The following SHH variants were observed in gnomAD, a reference collection of about 807,000 sequenced individuals.
SHH encodes the protein sonic hedgehog protein.
In SHH, 3 loss-of-function variants were observed where a neutral mutation model predicts 16.6. The observed-to-expected ratio is 0.18, with a 90% CI of 0.08 to 0.47. SHH has a LOEUF of 0.47. Ranked by LOEUF, SHH falls within the 20% of genes least tolerant of loss-of-function variation. The pLI is 0.98. For missense variants in SHH, 499 were observed against 665.0 expected (o/e 0.75, Z 2.75); for synonymous variants, 351 against 316.2 (o/e 1.11, Z -1.17).
At position 155,803,322 on chromosome 7, in the gene SHH, C is replaced by G; in HGVS notation, c.967G>C (p.Gly323Arg). The change falls in exon 3 of 3, where the codon GGG becomes CGG. Residue 323 changes from glycine (G) to arginine (R), a missense_variant. Around this residue, in one of 4 missense-constraint regions of SHH, gnomAD observed 299 missense variants for 301.1 expected, o/e 0.99. Coordinates refer to ENST00000297261, the MANE Select transcript of SHH (RefSeq NM_000193.4). ...GCGGCGGGCAGGAGCCGGCGGTCCCCGTCACGCTCGGCCACCACGTACACG... is the reference window on the plus strand; with the variant it reads ...GCGGCGGGCAGGAGCCGGCGGTCCCGGTCACGCTCGGCCACCACGTACACG... Reference protein sequence around the residue: ...QRVYVVAERDGDRRLLPAAVH... With the variant: ...QRVYVVAERDRDRRLLPAAVH... 6.8e-7 allele frequency: 1 copy of G among 1,475,638 alleles called. No homozygotes were observed. Among genetic ancestry groups the G allele is most frequent in the Non-Finnish European group, 8.9e-7 (1 of 1,121,130 alleles). The allele number at this position is 1,475,638 out of a possible 1,614,324, so 91.4% of individuals were successfully genotyped here.
chr7:155,803,263 C>A lies in SHH; in HGVS notation c.1026G>T (p.Ala342=), dbSNP rs1357392616. 1 of 1,511,000 alleles carries A rather than the reference C, an allele frequency of 6.6e-7. No homozygotes were observed. Among genetic ancestry groups the A allele is most frequent in the Middle Eastern group, 1.8e-4 (1 of 5,710 alleles). 93.6% of individuals were successfully genotyped at this position (1,511,000 alleles called of 1,614,324 possible). Residue 342 remains alanine (A), a synonymous_variant, in exon 3 of 3, where the codon GCG becomes GCT. Transcript: ENST00000297261. ...VHSVTLSEEA[A]GAYAPLTAQG... ...GGGCCGTGAGCGGCGCGTAGGCGCC[C>A]GCGGCCTCCTCGCTTAGGGTCACGC...
chr7:155,806,860 C>A, intron 1 of SHH: 1 of 511,616 alleles, frequency 2.0e-6, no homozygotes, highest in Non-Finnish European at 3.7e-6. Context: ...AATAAAGTTT[C>A]TCTGAAACAA....
intron 1 of SHH, chr7:155,806,946 TTGCCCTCCACTTCTAGCC>T: frequency 4.0e-6 from 1 of 248,560 alleles, no homozygotes; most frequent in South Asian, 3.9e-5. Flanking sequence ...CGCCCCCACG[TTGCCCTCCACTTCTAGCC>T]CCCCTTCTGG....
chr7:155,801,058 C>A lies in SHH; in HGVS notation c.*1842G>T, dbSNP rs1803169467. The stretch of plus-strand genomic sequence containing the variant: ...AGTCCTCCACCTGGGACCCTGACAA[C>A]CGCCAAGGGCAGAGACCCTCTTGGC... On this transcript the variant is annotated 3_prime_UTR_variant, in exon 3 of 3. Coordinates refer to ENST00000297261, the MANE Select transcript of SHH (RefSeq NM_000193.4). 1 of 167,462 alleles carries A rather than the reference C, an allele frequency of 6.0e-6. No homozygotes were observed. Among genetic ancestry groups the A allele is most frequent in the African/African-American group, 2.4e-5 (1 of 41,904 alleles). The allele number at this position is 167,462 out of a possible 1,614,324, so 10.4% of individuals were successfully genotyped here. A position where few individuals can be genotyped will look rare whatever the true frequency, so the allele number is the denominator to read the frequency against.
chr7:155,808,419 G>A (rs1290403228), intron 1 of SHH, among the ~76,000 whole-genome samples: 1 of 152,248 alleles, frequency 6.6e-6, no homozygotes, highest in Non-Finnish European at 1.5e-5. Flanking sequence ...GAGGGCGGCA[G>A]GGTGAGGATG....
chr7:155,809,176 C>T lies in SHH; in HGVS notation c.301-2619G>A, dbSNP rs988892220. 5.3e-5 allele frequency: 8 copies of T among 152,232 alleles called. No homozygotes were observed. Among genetic ancestry groups the T allele is most frequent in the African/African-American group, 1.9e-4 (8 of 41,430 alleles). The allele number at this position is 152,232 out of a possible 1,614,324, so 9.4% of individuals were successfully genotyped here. Reference sequence around the variant, plus strand: ...GGAGAGCGTGTCTGTCTGCGCTTTCCTCTCCCGGGTTAATATTAACCGGCA... The same window carrying T: ...GGAGAGCGTGTCTGTCTGCGCTTTCTTCTCCCGGGTTAATATTAACCGGCA... On this transcript the variant is annotated intron_variant, in intron 1 of 2. Transcript: ENST00000297261. This position sits in a 1 kb window ranked among gnomAD's most constrained non-coding sequence, Gnocchi z 6.1.
In SHH at chr7:155,800,437, T is replaced by C; in HGVS notation, c.*2463A>G. ...CAAGGTGCCCCAGTCACCAGCAGAGTTGCACCATGGCCTCAGGCACCTTGG... is the reference window on the plus strand; with the variant it reads ...CAAGGTGCCCCAGTCACCAGCAGAGCTGCACCATGGCCTCAGGCACCTTGG... On this transcript the variant is annotated 3_prime_UTR_variant, in exon 3 of 3. Coordinates refer to ENST00000297261, the MANE Select transcript of SHH (RefSeq NM_000193.4). 3 of 411,844 alleles carry C rather than the reference T, an allele frequency of 7.3e-6. No homozygotes were observed. Among genetic ancestry groups the C allele is most frequent in the South Asian group, 3.6e-5 (2 of 55,688 alleles). 25.5% of individuals were successfully genotyped at this position (411,844 alleles called of 1,614,324 possible). A position where few individuals can be genotyped will look rare whatever the true frequency, so the allele number is the denominator to read the frequency against.
chr7:155,806,621 G>A (rs1055173964), intron 1 of SHH, 64 bp from the exon 2 acceptor site: 43 of 1,598,842 alleles, frequency 2.7e-5, no homozygotes, highest in Non-Finnish European at 3.4e-5. Context: ...ACCCCTCCCG[G>A]CCCCTCCATC....
At chr7:155,805,193 G>T (rs1803322188) in intron 2 of SHH, among the ~76,000 whole-genome samples, 1 of 152,096 alleles carries the variant, frequency 6.6e-6, no homozygotes, top group African/African-American at 2.4e-5. Flanking sequence ...AGCCGGGGAG[G>T]AGGTTTTGCG....
intron 1 of SHH, 112 bp from the exon 2 acceptor site, chr7:155,806,669 C>A (rs1234385054): frequency 1.5e-6 from 2 of 1,369,290 alleles, no homozygotes; most frequent in Non-Finnish European, 2.1e-6. Context: ...GAGGGCCATG[C>A]GGAGAGGTGG....
rs1396544469 is a variant in SHH at position 155,801,963 on chromosome 7, CTG to C, written c.*935_*936del. ...AATGCAAAAACATCCTTTGTTTTCT[CTG>C]TACAAACTGCAGGCTCCATCCTCGT... On this transcript the variant is annotated 3_prime_UTR_variant, in exon 3 of 3. Coordinates refer to ENST00000297261, the MANE Select transcript of SHH (RefSeq NM_000193.4). The C allele has an allele frequency of 2.0e-5, 3 of 151,368 alleles. No individual in the cohort carries two copies. Among genetic ancestry groups the C allele is most frequent in the Non-Finnish European group, 4.4e-5 (3 of 67,980 alleles). 9.4% of individuals were successfully genotyped at this position (151,368 alleles called of 1,614,324 possible).
chr7:155,800,630 C>T lies in SHH; in HGVS notation c.*2270G>A, dbSNP rs962628587. The stretch of plus-strand genomic sequence containing the variant: ...AAGAACAGAAACCATCGCACTTCCT[C>T]CGAGATTGTAAACACCAGCCTGGAA... On this transcript the variant is annotated 3_prime_UTR_variant, in exon 3 of 3. Transcript: ENST00000297261. The T allele has an allele frequency of 1.3e-5, 6 of 470,844 alleles. No individual in the cohort carries two copies. The highest frequency in any genetic ancestry group is 2.2e-5 in the Non-Finnish European group (5 of 227,048). 29.2% of individuals were successfully genotyped at this position (470,844 alleles called of 1,614,324 possible).
rs1803188641 is a variant in SHH, at chr7:155,801,927, C to T, written c.*973G>A. ...TTTTAGTAAATTTACAGCGTTATTT[C>T]TCAATTTATTAATGCAAAAACATCC... On this transcript the variant is annotated 3_prime_UTR_variant, in exon 3 of 3. Coordinates refer to ENST00000297261, the MANE Select transcript of SHH (RefSeq NM_000193.4). The T allele has an allele frequency of 6.6e-6, 1 of 152,038 alleles. No individual in the cohort carries two copies. Among genetic ancestry groups the T allele is most frequent in the Non-Finnish European group, 1.5e-5 (1 of 68,008 alleles). 9.4% of individuals were successfully genotyped at this position (152,038 alleles called of 1,614,324 possible). A position where few individuals can be genotyped will look rare whatever the true frequency, so the allele number is the denominator to read the frequency against.
rs1803536299 is a variant in SHH at position 155,812,108 on chromosome 7, C to T, written c.15G>A (p.Ala5=). 2 of 1,614,146 alleles carry T rather than the reference C, an allele frequency of 1.2e-6. No individual in the cohort carries two copies. The highest frequency in any genetic ancestry group is 1.7e-6 in the Non-Finnish European group (2 of 1,180,024). The part of the protein sequence containing the change: MLLL[A]RCLLLVLVSS... Reference sequence around the variant, plus strand: ...AGACGAGGACTAGCAGCAGACATCTCGCCAGCAGCAGCATCTCGCCCATGG... The same window carrying T: ...AGACGAGGACTAGCAGCAGACATCTTGCCAGCAGCAGCATCTCGCCCATGG... Residue 5 remains alanine (A), a synonymous_variant, in exon 1 of 3, where the codon GCG becomes GCA. Coordinates refer to ENST00000297261, the MANE Select transcript of SHH (RefSeq NM_000193.4).
chr7:155,810,635 A>G (rs1584804918), intron 1 of SHH, among the ~76,000 whole-genome samples: 1 of 152,090 alleles, frequency 6.6e-6, no homozygotes, highest in African/African-American at 2.4e-5. Context: ...GGAGCAGGCT[A>G]CCTTGCCTGC....
In SHH at chr7:155,803,068, C is replaced by CCG; in HGVS notation, c.1220_1221insCG (p.Gly409AlafsTer6). ...TTAGGGCTACTCTGCCGCCGCCGCC[C>CCG]CCGCGGTCCCCGCCGCCGCTGTCCC... On this transcript the variant is annotated frameshift_variant, in exon 3 of 3. Transcript: ENST00000297261. LOFTEE classifies it low-confidence loss of function (END_TRUNC). The CCG allele has an allele frequency of 1.4e-6, 2 of 1,380,000 alleles. No homozygotes were observed. The highest frequency in any genetic ancestry group is 1.9e-6 in the Non-Finnish European group (2 of 1,064,486). 85.5% of individuals were successfully genotyped at this position (1,380,000 alleles called of 1,614,324 possible). A position where few individuals can be genotyped will look rare whatever the true frequency, so the allele number is the denominator to read the frequency against.
chr7:155,811,755 G>T, intron 1 of SHH, 68 bp downstream of exon 1: 1 of 1,470,636 alleles, frequency 6.8e-7, no homozygotes, highest in Non-Finnish European at 9.5e-7. Flanking sequence ...AGTTAAGTCT[G>T]GAAGTGTTCG....
rs1584796649 is a variant in SHH at position 155,803,138 on chromosome 7, T to C, written c.1151A>G (p.His384Arg). Residue 384 changes from histidine (H) to arginine (R), a missense_variant, in exon 3 of 3, where the codon CAC (histidine) becomes CGC (arginine). By Grantham distance (29) the His-to-Arg change is conservative (BLOSUM62 0). Around this residue, in one of 4 missense-constraint regions of SHH, gnomAD observed 299 missense variants for 301.1 expected, o/e 0.99. Coordinates refer to ENST00000297261, the MANE Select transcript of SHH (RefSeq NM_000193.4). ...HRAFAPFRLA[H>R]ALLAALAPAR... ...GGGCGCCAGTGCAGCCAGGAGCGCG[T>C]GCGCCAGGCGGAAGGGCGCGAAGGC... is the stretch of plus-strand genomic sequence containing the variant. 1 of 1,411,274 alleles carries C rather than the reference T, an allele frequency of 7.1e-7. No individual in the cohort carries two copies. Among genetic ancestry groups the C allele is most frequent in the Non-Finnish European group, 9.3e-7 (1 of 1,078,730 alleles). 87.4% of individuals were successfully genotyped at this position (1,411,274 alleles called of 1,614,324 possible). A position where few individuals can be genotyped will look rare whatever the true frequency, so the allele number is the denominator to read the frequency against.
chr7:155,806,138 A>T (rs1204869424), intron 2 of SHH, among the ~76,000 whole-genome samples, 158 bp downstream of exon 2: 1 of 152,162 alleles, frequency 6.6e-6, no homozygotes, highest in East Asian at 1.9e-4. Flanking sequence ...AGGGGCCGGC[A>T]CCTCACAGGG....
Sources: allele counts gnomAD v4.1 joint callset (sites outside exome capture counted in the v4.1 genomes callset), GRCh38; gene constraint gnomAD v4.1.1; regional missense constraint gnomAD v4.1.1; non-coding constraint Gnocchi (gnomAD v3.1); transcripts MANE v1.5; gene names NCBI Gene and HGNC (gene_info 2026-07-23, HGNC 2026-07-21).